Variants in OTUD7A observed in about 807,000 individuals in gnomAD.
OTUD7A encodes OTU deubiquitinase 7A.
Under a neutral mutation model 65.7 loss-of-function variants are expected in OTUD7A, and 12 were observed. The observed-to-expected ratio is 0.18, with a 90% CI of 0.12 to 0.30. The LOEUF (loss-of-function observed/expected upper bound fraction) is 0.30, where lower values mean the gene tolerates loss of function less well. Among genes scored for constraint, OTUD7A ranks in the 10% least tolerant of loss-of-function variants. The probability of loss-of-function intolerance (pLI) is 1.00; values close to 1 mark genes in which losing one functional copy is unlikely to be tolerated. For missense variants in OTUD7A, 1,148 were observed against 1,304.8 expected (o/e 0.88, Z 1.85); for synonymous variants, 641 against 586.3 (o/e 1.09, Z -1.35).
chr15:31,793,349 A>G (rs997605707), intron 1 of OTUD7A, among the ~76,000 whole-genome samples: 3 of 152,060 alleles, frequency 2.0e-5, no homozygotes, highest in African/African-American at 7.2e-5. Context: ...AGCATCACAC[A>G]AGGCTTTTTC....
At chr15:31,515,142 G>A (rs984459570) in intron 8 of OTUD7A, among the ~76,000 whole-genome samples, 1 of 152,196 alleles carries the variant, frequency 6.6e-6, no homozygotes, top group Non-Finnish European at 1.5e-5. Context: ...AAATACCCCA[G>A]CTAGAAATGT....
chr15:31,660,860 G>A (rs1250886790), intron 1 of OTUD7A, among the ~76,000 whole-genome samples: 1 of 152,224 alleles, frequency 6.6e-6, no homozygotes, highest in Non-Finnish European at 1.5e-5. Flanking sequence ...ACATTGTCTT[G>A]TAGGAACTGA....
chr15:31,499,690 G>C (rs2041436142), intron 10 of OTUD7A, among the ~76,000 whole-genome samples: 1 of 152,240 alleles, frequency 6.6e-6, no homozygotes, highest in East Asian at 1.9e-4. Context: ...GGACCTTATG[G>C]GTGAATGTGC....
intron 1 of OTUD7A, among the ~76,000 whole-genome samples, chr15:31,843,023 C>T (rs558865767): frequency 2.6e-4 from 40 of 152,156 alleles, no homozygotes; most frequent in African/African-American, 9.2e-4. Flanking sequence ...CAGGCTCACA[C>T]CACTGCTATG....
At chr15:31,654,889 A>C (rs1031101665) in intron 3 of OTUD7A, among the ~76,000 whole-genome samples, 14 of 152,214 alleles carry the variant, frequency 9.2e-5, no homozygotes, top group Admixed American at 5.9e-4. Flanking sequence ...TATTTTCTTG[A>C]ATGTTTTATA....
chr15:31,598,362 C>T (rs982462757), intron 3 of OTUD7A, among the ~76,000 whole-genome samples: 1 of 152,192 alleles, frequency 6.6e-6, no homozygotes, highest in Non-Finnish European at 1.5e-5. Context: ...CGAGCCGAAG[C>T]AGGGCAGGGC....
chr15:31,699,853 G>A (rs1392994996), intron 1 of OTUD7A, among the ~76,000 whole-genome samples: 6 of 152,108 alleles, frequency 3.9e-5, no homozygotes, highest in African/African-American at 1.4e-4. Context: ...AATCGAATCT[G>A]TCTGACTGCG....
At chr15:31,524,194 T>A (rs1231472252) in intron 8 of OTUD7A, among the ~76,000 whole-genome samples, 1 of 152,022 alleles carries the variant, frequency 6.6e-6, no homozygotes, top group Non-Finnish European at 1.5e-5. Context: ...GCTGAAACCC[T>A]AGAAATGCCT....
At chr15:31,857,203 T>C (rs1452444779) in intron 1 of OTUD7A, among the ~76,000 whole-genome samples, 1 of 152,142 alleles carries the variant, frequency 6.6e-6, no homozygotes, top group Non-Finnish European at 1.5e-5. Flanking sequence ...GGACAGTCTG[T>C]GCTCTGTCCT....
chr15:31,602,711 T>C (rs1330511007), intron 3 of OTUD7A, among the ~76,000 whole-genome samples: 1 of 152,186 alleles, frequency 6.6e-6, no homozygotes, highest in Non-Finnish European at 1.5e-5. Flanking sequence ...AACCCCACCA[T>C]TTCAGCCCTA....
chr15:31,842,026 C>T (rs752160345), intron 1 of OTUD7A, among the ~76,000 whole-genome samples: 2 of 152,234 alleles, frequency 1.3e-5, no homozygotes, highest in African/African-American at 2.4e-5. Context: ...GCATGCCCAT[C>T]AACAGTGAAT....
chr15:31,794,446 A>C (rs12439657), intron 1 of OTUD7A, among the ~76,000 whole-genome samples: 5 of 151,834 alleles, frequency 3.3e-5, no homozygotes, highest in African/African-American at 1.2e-4. Flanking sequence ...TCAAATATTC[A>C]AATATAAATT....
chr15:31,775,676 G>A (rs535524453), intron 1 of OTUD7A, among the ~76,000 whole-genome samples: 4 of 152,230 alleles, frequency 2.6e-5, no homozygotes, highest in South Asian at 2.1e-4. Flanking sequence ...TCCTAACCCC[G>A]TTCTACTAAA....
At chr15:31,613,427 A>G (rs1245878286) in intron 3 of OTUD7A, among the ~76,000 whole-genome samples, 1 of 152,148 alleles carries the variant, frequency 6.6e-6, no homozygotes, top group African/African-American at 2.4e-5. Flanking sequence ...AGAATCTAGA[A>G]CCCAAACTCA....
At chr15:31,597,954 C>T (rs555919981) in intron 3 of OTUD7A, among the ~76,000 whole-genome samples, 2 of 152,184 alleles carry the variant, frequency 1.3e-5, no homozygotes, top group South Asian at 2.1e-4. Context: ...TGGGAACTTT[C>T]GAGTTTTCAG....
intron 1 of OTUD7A, among the ~76,000 whole-genome samples, chr15:31,673,692 A>G (rs1315560975): frequency 3.3e-5 from 5 of 152,216 alleles, no homozygotes; most frequent in Non-Finnish European, 7.3e-5. Flanking sequence ...TCAGGTTGCT[A>G]CTTTTCCTAT....
At chr15:31,709,801 C>A (rs1052667665) in intron 1 of OTUD7A, among the ~76,000 whole-genome samples, 1 of 152,032 alleles carries the variant, frequency 6.6e-6, no homozygotes, top group South Asian at 2.1e-4. Context: ...TGTGTATATG[C>A]AAATATATGT....
chr15:31,789,290 T>G (rs1316514507), intron 1 of OTUD7A, among the ~76,000 whole-genome samples: 1 of 152,186 alleles, frequency 6.6e-6, no homozygotes, highest in Non-Finnish European at 1.5e-5. Context: ...GATGGGAATA[T>G]TTCTGGTTCC....
At chr15:31,794,068 T>C (rs1895887797) in intron 1 of OTUD7A, among the ~76,000 whole-genome samples, 1 of 152,276 alleles carries the variant, frequency 6.6e-6, no homozygotes, top group Non-Finnish European at 1.5e-5. Flanking sequence ...TAGTTTTATC[T>C]TTCACATTTA....
Sources: allele counts gnomAD v4.1 joint callset (sites outside exome capture counted in the v4.1 genomes callset), GRCh38; gene constraint gnomAD v4.1.1; transcripts MANE v1.5; gene names NCBI Gene and HGNC (gene_info 2026-07-23, HGNC 2026-07-21).